Variants in BICC1 observed in about 807,000 individuals in gnomAD.
BICC1 encodes the protein protein bicaudal C homolog 1.
A neutral mutation model predicts 111.0 loss-of-function variants in BICC1; 43 were observed. The ratio of observed to expected loss-of-function variants is 0.39; its 90% CI spans 0.30 to 0.50. The LOEUF (loss-of-function observed/expected upper bound fraction) is 0.50, where lower values mean the gene tolerates loss of function less well. Among genes scored for constraint, BICC1 ranks in the 20% least tolerant of loss-of-function variants. The pLI is 0.88. For missense variants in BICC1, 1,091 were observed against 1,203.2 expected (o/e 0.91, Z 1.38); for synonymous variants, 467 against 434.4 (o/e 1.07, Z -0.93).
chr10:58,701,279 A>C (rs997272136), intron 2 of BICC1, among the ~76,000 whole-genome samples: 1 of 152,182 alleles, frequency 6.6e-6, no homozygotes, highest in African/African-American at 2.4e-5. Flanking sequence ...GGTTAATTCT[A>C]TGTTTGTCTT....
chr10:58,670,218 C>A (rs147499860), intron 2 of BICC1, among the ~76,000 whole-genome samples: 1 of 151,986 alleles, frequency 6.6e-6, no homozygotes, highest in African/African-American at 2.4e-5. Flanking sequence ...CAAACTAATG[C>A]GCAGAAATAT....
intron 1 of BICC1, among the ~76,000 whole-genome samples, chr10:58,587,486 T>G (rs922815083): frequency 2.6e-5 from 4 of 152,222 alleles, no homozygotes; most frequent in South Asian, 2.1e-4. Context: ...CGTAAAATCT[T>G]TAGCATAATA....
chr10:58,603,784 AGGAGTG>A (rs1845119633), intron 1 of BICC1, among the ~76,000 whole-genome samples: 1 of 152,304 alleles, frequency 6.6e-6, no homozygotes, highest in Admixed American at 6.5e-5. Flanking sequence ...AGTTATTATC[AGGAGTG>A]GGAGGCCAAT....
chr10:58,586,986 T>C (rs1226690972), intron 1 of BICC1, among the ~76,000 whole-genome samples: 2 of 152,178 alleles, frequency 1.3e-5, no homozygotes, highest in African/African-American at 2.4e-5. Context: ...CTGACAGCTA[T>C]GGGTTTTGTG....
At chr10:58,623,957 GA>G (rs201605106) in intron 2 of BICC1, among the ~76,000 whole-genome samples, 51 of 148,644 alleles carry the variant, frequency 3.4e-4, no homozygotes, top group African/African-American at 1.1e-3. Context: ...GATTGTTAGG[GA>G]AAAAAAAAAG....
chr10:58,527,987 C>T (rs943527792), intron 1 of BICC1, among the ~76,000 whole-genome samples: 2 of 151,944 alleles, frequency 1.3e-5, no homozygotes, highest in African/African-American at 4.8e-5. Context: ...AAGGCTGGCA[C>T]ACAATTGGTG....
intron 1 of BICC1, among the ~76,000 whole-genome samples, chr10:58,613,099 A>C (rs773134994): frequency 6.6e-6 from 1 of 152,244 alleles, no homozygotes; most frequent in Non-Finnish European, 1.5e-5. Flanking sequence ...AATAAACATA[A>C]AAAATGAATC....
intron 3 of BICC1, among the ~76,000 whole-genome samples, chr10:58,718,314 A>T (rs1307226126): frequency 6.6e-6 from 1 of 152,152 alleles, no homozygotes; most frequent in Non-Finnish European, 1.5e-5. Context: ...CCTCCCTCAC[A>T]TCACTTTTAT....
intron 3 of BICC1, among the ~76,000 whole-genome samples, chr10:58,727,385 G>A (rs922190916): frequency 6.6e-6 from 1 of 152,052 alleles, no homozygotes; most frequent in Non-Finnish European, 1.5e-5. Context: ...CCAGGAGTTC[G>A]AGACCAGCCT....
In BICC1 at chr10:58,683,759, T is replaced by C. The variant is rs1839616951; in HGVS notation, c.238-18315T>C. Among the ~76,000 whole-genome samples, 4 of 152,354 alleles carry C rather than the reference T, an allele frequency of 2.6e-5. No homozygotes were observed. In the South Asian group the frequency reaches 8.3e-4, roughly 32 times the overall value. On this transcript the variant is annotated intron_variant, in intron 2 of 20. Coordinates refer to ENST00000373886, the MANE Select transcript of BICC1 (RefSeq NM_001080512.3). The stretch of plus-strand genomic sequence containing the variant: ...AGATTTGCTGAAGTTGCTTATCAGC[T>C]TAAGGAGCTTTTGGGATGAGACGAT...
intron 3 of BICC1, among the ~76,000 whole-genome samples, chr10:58,782,855 AT>A (rs1842917037): frequency 6.6e-6 from 1 of 152,180 alleles, no homozygotes; most frequent in South Asian, 2.1e-4. Context: ...TGAAATAAGA[AT>A]TATTGAATAA....
chr10:58,648,605 CT>C (rs1838342954), intron 2 of BICC1: 1 of 984,828 alleles, frequency 1.0e-6, no homozygotes, highest in South Asian at 4.7e-5. Context: ...CTCTTTCTCT[CT>C]CTCTTTCTCT....
At chr10:58,588,702 T>C (rs1844507550) in intron 1 of BICC1, among the ~76,000 whole-genome samples, 1 of 152,214 alleles carries the variant, frequency 6.6e-6, no homozygotes, top group African/African-American at 2.4e-5. Flanking sequence ...AGGTACCATG[T>C]GGCTTTAAGG....
chr10:58,759,512 T>C (rs890796463), intron 3 of BICC1, among the ~76,000 whole-genome samples: 8 of 152,128 alleles, frequency 5.3e-5, no homozygotes, highest in Non-Finnish European at 7.4e-5. Context: ...GCATAAAACA[T>C]TCTTTACTAA....
chr10:58,575,079 A>G (rs1436895060), intron 1 of BICC1, among the ~76,000 whole-genome samples: 1 of 151,246 alleles, frequency 6.6e-6, no homozygotes, highest in Non-Finnish European at 1.5e-5. Flanking sequence ...TTTGTTACTT[A>G]GGTATACATG....
At chr10:58,700,586 G>C (rs1283039095) in intron 2 of BICC1, among the ~76,000 whole-genome samples, 4 of 152,198 alleles carry the variant, frequency 2.6e-5, no homozygotes, top group African/African-American at 9.6e-5. Context: ...AGTGAAGACA[G>C]TGTGGGCTTA....
At chr10:58,731,565 A>C (rs75675012) in intron 3 of BICC1, among the ~76,000 whole-genome samples, 1 of 152,220 alleles carries the variant, frequency 6.6e-6, no homozygotes, top group Non-Finnish European at 1.5e-5. Context: ...TTATTAAAGA[A>C]AAGAGGCTTA....
intron 1 of BICC1, among the ~76,000 whole-genome samples, chr10:58,525,974 C>T (rs754874500): frequency 2.8e-5 from 4 of 142,820 alleles, no homozygotes; most frequent in South Asian, 2.3e-4. Context: ...TACCTAATAA[C>T]GAATGTGATT....
intron 3 of BICC1, among the ~76,000 whole-genome samples, chr10:58,735,190 T>C (rs944170330): frequency 3.9e-5 from 6 of 152,242 alleles, no homozygotes; most frequent in Non-Finnish European, 7.3e-5. Flanking sequence ...TAGACTGTTC[T>C]TTTCATAGCC....
Sources: allele counts gnomAD v4.1 joint callset (sites outside exome capture counted in the v4.1 genomes callset), GRCh38; gene constraint gnomAD v4.1.1; transcripts MANE v1.5; gene names NCBI Gene and HGNC (gene_info 2026-07-23, HGNC 2026-07-21).